The following TYMP variants were observed in gnomAD, a reference collection of about 807,000 sequenced individuals.
TYMP encodes gliostatin.
TYMP carries 46 observed loss-of-function variants against 42.3 expected under a neutral mutation model. The ratio of observed to expected loss-of-function variants is 1.09; its 90% confidence interval spans 0.86 to 1.39. The LOEUF is 1.39. Among genes scored for constraint, TYMP ranks in the 40% most tolerant of loss-of-function variants. The probability of loss-of-function intolerance (pLI) is 0.00; values close to 1 mark genes in which losing one functional copy is unlikely to be tolerated. For synonymous variants in TYMP, 363 were observed against 308.0 expected (o/e 1.18, Z -1.87); for missense variants, 837 against 677.6 (o/e 1.24, Z -2.61).
At chr22:50,528,680 C>T in intron 3 of TYMP, 70 bp from the exon 4 acceptor site, 2 of 1,253,720 alleles carry the variant, frequency 1.6e-6, no homozygotes, top group Non-Finnish European at 1.2e-6. Flanking sequence ...CTTCACCTTC[C>T]CTGGCTAGGA....
Position 50,527,699 on chromosome 22 carries a change from G to T in TYMP, c.535C>A (p.Gln179Lys). The change falls in exon 5 of 10, where the codon CAG becomes AAG. Residue 179 changes from glutamine to lysine, a missense_variant. By Grantham distance (53) the Gln-to-Lys change is moderately conservative. Coordinates refer to ENST00000252029, the MANE Select transcript of TYMP (RefSeq NM_001953.5). ...SPEQMQVLLD[Q>K]AGCCIVGQSE... ...TGACCCACGATACAGCAGCCCGCCT[G>T]GTCCAGCAGCACTTGCATCTGGTCA... 6.2e-7 allele frequency: 1 copy of T among 1,613,568 alleles called. No homozygotes were observed. The highest frequency in any genetic ancestry group is 8.5e-7 in the Non-Finnish European group (1 of 1,179,970).
At chr22:50,529,784 T>C (rs2069526009) in intron 1 of TYMP, 65 bp from the exon 2 acceptor site, 23 of 1,406,974 alleles carry the variant, frequency 1.6e-5, no homozygotes, top group Non-Finnish European at 2.2e-5. Context: ...AGCCACGTGC[T>C]CCTGTCCCGA....
In TYMP at chr22:50,526,364, C is replaced by T. The variant is rs1301182435; in HGVS notation, c.1041G>A (p.Leu347=). ...GSALGRFERM[L]AAQGVDPGLA... The stretch of plus-strand genomic sequence containing the variant: ...GACCGGGATCCACGCCCTGCGCCGC[C>T]AGCATCCGCTCGAAGCGGCCAAGGG... The change falls in exon 8 of 10, where the codon CTG becomes CTA. Residue 347 remains leucine, a synonymous_variant. Transcript: ENST00000252029. The T allele has an allele frequency of 1.3e-6, 2 of 1,546,328 alleles. No individual in the cohort carries two copies.
At position 50,525,806 on chromosome 22, in the gene TYMP, C is replaced by T. The variant is rs373094137; in HGVS notation, c.1413G>A (p.Ser471=). 7.2e-5 allele frequency: 116 copies of T among 1,610,556 alleles called. 1 individual carries two copies. The highest frequency in any genetic ancestry group is 3.3e-4 in the Middle Eastern group (2 of 6,024). The change falls in exon 10 of 10, where the codon TCG becomes TCA. Residue 471 remains serine, a synonymous_variant. Coordinates refer to ENST00000252029, the MANE Select transcript of TYMP (RefSeq NM_001953.5). Reference sequence around the variant, plus strand: ...GCGGCAGAACGAGCTCTGCGAAGGGCGAGGGGGCGGCGAATGGCGCGCGGT... The same window carrying T: ...GCGGCAGAACGAGCTCTGCGAAGGGTGAGGGGGCGGCGAATGGCGCGCGGT... ...LSDRAPFAAP[S]PFAELVLPPQ...
At chr22:50,526,912 A>G (rs555906308) in intron 6 of TYMP, among the ~76,000 whole-genome samples, 174 bp from the exon 7 acceptor site, 5 of 152,362 alleles carry the variant, frequency 3.3e-5, no homozygotes, top group African/African-American at 1.2e-4. Context: ...CCATGGGGCC[A>G]GGAGGAACTT....
In TYMP at chr22:50,526,034, G is replaced by C. The variant is rs1211589704; in HGVS notation, c.1267C>G (p.Leu423Val). 1.4e-6 allele frequency: 2 copies of C among 1,478,158 alleles called. No individual in the cohort carries two copies. Among genetic ancestry groups the C allele is most frequent in the East Asian group, 2.9e-5 (1 of 34,322 alleles). The allele number at this position is 1,478,158 out of a possible 1,614,324, so 91.6% of individuals were successfully genotyped here. Residue 423 changes from leucine (L) to valine (V), a missense_variant, in exon 9 of 10, where the codon CTG (leucine) becomes GTG (valine). Leu to Val is a conservative substitution (Grantham distance 32, BLOSUM62 1). Transcript: ENST00000252029. The stretch of plus-strand genomic sequence containing the variant: ...AGCCTCTGACCCACGTCGACCAGCA[G>C]CTCTGCGCCCACCCCCAGGCGGAGC... ...EPLRLGVGAE[L>V]LVDVGQRLRR...
In TYMP at chr22:50,527,186, G is replaced by A; in HGVS notation, c.744C>T (p.Ala248=). ...GAAVFPNQEQ[A]RELAKTLVGV... ...TCACCAGCGTCTTTGCCAGCTCCCG[G>A]GCCTGCTCCTGGTTGGGGAAGACGG... The change falls in exon 6 of 10, where the codon GCC becomes GCT. Residue 248 remains alanine (A), a synonymous_variant. Transcript: ENST00000252029. 1 of 1,613,254 alleles carries A rather than the reference G, an allele frequency of 6.2e-7. No homozygotes were observed. The highest frequency in any genetic ancestry group is 1.1e-5 in the South Asian group (1 of 91,062).
chr22:50,529,529 C>T lies in TYMP; in HGVS notation c.181G>A (p.Val61Met). 7.4e-6 allele frequency: 12 copies of T among 1,613,078 alleles called. No homozygotes were observed. Among genetic ancestry groups the T allele is most frequent in the African/African-American group, 1.3e-5 (1 of 75,074 alleles). The change falls in exon 2 of 10, where the codon GTG becomes ATG. Residue 61 changes from valine to methionine, a missense_variant. Coordinates refer to ENST00000252029, the MANE Select transcript of TYMP (RefSeq NM_001953.5). The part of the protein sequence containing the change: ...EADIRGFVAA[V>M]VNGSAQGAQI... ...GCGCCCTGCGCGCTCCCATTCACCACAGCGGCCACGAAGCCCCTGATGTCC... is the reference window on the plus strand; with the variant it reads ...GCGCCCTGCGCGCTCCCATTCACCATAGCGGCCACGAAGCCCCTGATGTCC...
At position 50,525,826 on chromosome 22, in the gene TYMP, C is replaced by A. The variant is rs112723255; in HGVS notation, c.1393G>T (p.Ala465Ser). Residue 465 changes from alanine (A) to serine (S), a missense_variant, in exon 10 of 10, where the codon GCG becomes TCG. By Grantham distance (99) the Ala-to-Ser change is moderately conservative. Transcript: ENST00000252029. ...AAGGGCGAGGGGGCGGCGAATGGCGCGCGGTCGGAGAGTACGAGCGCCTCC... is the reference window on the plus strand; with the variant it reads ...AAGGGCGAGGGGGCGGCGAATGGCGAGCGGTCGGAGAGTACGAGCGCCTCC... Reference protein sequence around the residue: ...LQEALVLSDRAPFAAPSPFAE... With the variant: ...LQEALVLSDRSPFAAPSPFAE... The A allele has an allele frequency of 1.2e-6, 2 of 1,609,588 alleles. No homozygotes were observed. The highest frequency in any genetic ancestry group is 2.7e-5 in the African/African-American group (2 of 74,830).
Position 50,525,765 on chromosome 22 carries a change from G to A in TYMP, c.*5C>T, listed in dbSNP as rs748362838. 3 of 1,610,574 alleles carry A rather than the reference G, an allele frequency of 1.9e-6. No individual in the cohort carries two copies. The highest frequency in any genetic ancestry group is 1.1e-5 in the South Asian group (1 of 90,962). ...GCACTGACAAGGTTTCGCGGCAAAGGAGCTTTATTGCTGCGGCGGCAGAAC... is the reference window on the plus strand; with the variant it reads ...GCACTGACAAGGTTTCGCGGCAAAGAAGCTTTATTGCTGCGGCGGCAGAAC... On this transcript the variant is annotated 3_prime_UTR_variant, in exon 10 of 10. Transcript: ENST00000252029.
chr22:50,529,802 C>A, intron 1 of TYMP, 83 bp from the exon 2 acceptor site: 1 of 1,211,712 alleles, frequency 8.3e-7, no homozygotes, highest in East Asian at 2.6e-5. Flanking sequence ...CGACCCCTTT[C>A]CCGTGTCTCT....
chr22:50,529,804 C>T (rs1240101629), intron 1 of TYMP, 85 bp from the exon 2 acceptor site: 6 of 1,182,812 alleles, frequency 5.1e-6, no homozygotes, highest in South Asian at 1.4e-5. Context: ...ACCCCTTTCC[C>T]GTGTCTCTCC....
At position 50,525,869 on chromosome 22, in the gene TYMP, C is replaced by G; in HGVS notation, c.1350G>C (p.Pro450=). 1.3e-6 allele frequency: 2 copies of G among 1,594,372 alleles called. No individual in the cohort carries two copies. The highest frequency in any genetic ancestry group is 1.3e-5 in the African/African-American group (1 of 74,098). Residue 450 remains proline, a synonymous_variant, in exon 10 of 10, where the codon CCG becomes CCC. Coordinates refer to ENST00000252029, the MANE Select transcript of TYMP (RefSeq NM_001953.5). ...VHRDGPALSG[P]QSRALQEALV... is the part of the protein sequence containing the mutation. ...GCGCCTCCTGCAGGGCGCGGCTCTGCGGGCCGCTGAGCGCGGGGCCGTCCC... is the reference window on the plus strand; with the variant it reads ...GCGCCTCCTGCAGGGCGCGGCTCTGGGGGCCGCTGAGCGCGGGGCCGTCCC...
intron 4 of TYMP, 185 bp from the exon 5 acceptor site, chr22:50,527,902 G>GC: frequency 1.5e-6 from 1 of 673,338 alleles, no homozygotes; most frequent in Non-Finnish European, 2.5e-6. Context: ...CAGCTTCCCA[G>GC]TAGCTGGGAC....
chr22:50,526,163 G>C (rs2069360337), intron 8 of TYMP, 22 bp from the exon 9 acceptor site: 3 of 1,471,272 alleles, frequency 2.0e-6, no homozygotes, highest in South Asian at 1.3e-5. Flanking sequence ...GGGGCTGAGA[G>C]GCGCGGGCTC....
At chr22:50,527,467 G>T in intron 5 of TYMP, 121 bp downstream of exon 5, 1 of 1,508,618 alleles carries the variant, frequency 6.6e-7, no homozygotes, top group Non-Finnish European at 9.2e-7. Context: ...CAGGCATCTT[G>T]TGATGGGGGT....
chr22:50,525,951 G>A (rs1426570081), intron 9 of TYMP, 33 bp from the exon 10 acceptor site: 3 of 1,413,028 alleles, frequency 2.1e-6, no homozygotes, highest in African/African-American at 1.5e-5. Flanking sequence ...AGGCCGCGCG[G>A]CCGGAGCTGG....
rs2069403355 is a variant in TYMP, at chr22:50,526,757, G to A, written c.766-19C>T. ...CGCCAACCTGCGGAGAGGAGGCTCA[G>A]CGTGGACCCCCCATGGCGGGGCCTT... On this transcript the variant is annotated intron_variant, in intron 6 of 9. Transcript: ENST00000252029. The A allele has an allele frequency of 1.3e-6, 2 of 1,533,412 alleles. No individual in the cohort carries two copies. The highest frequency in any genetic ancestry group is 1.4e-5 in the African/African-American group (1 of 72,980). 95.0% of individuals were successfully genotyped at this position (1,533,412 alleles called of 1,614,324 possible).
chr22:50,529,416 C>A, intron 2 of TYMP, 78 bp from the exon 3 acceptor site: 2 of 1,604,646 alleles, frequency 1.2e-6, no homozygotes, highest in Non-Finnish European at 1.7e-6. Flanking sequence ...TAGTGGGGCA[C>A]CGTCGCACCC....
Sources: allele counts gnomAD v4.1 joint callset (sites outside exome capture counted in the v4.1 genomes callset), GRCh38; gene constraint gnomAD v4.1.1; transcripts MANE v1.5; gene names NCBI Gene and HGNC (gene_info 2026-07-23, HGNC 2026-07-21).